Variants in EML2 observed in about 807,000 individuals in gnomAD.
EML2 encodes EMAP like 2.
In EML2, 59 loss-of-function variants were observed where a neutral mutation model predicts 84.7. The ratio of observed to expected loss-of-function variants is 0.70; its 90% CI spans 0.56 to 0.86. The LOEUF (loss-of-function observed/expected upper bound fraction) is 0.86. EML2 is among the 40% of genes least tolerant of loss of function. EML2 has a pLI of 0.00. For synonymous variants in EML2, 352 were observed against 348.9 expected, an observed-to-expected ratio of 1.01 and a Z score of -0.10; for missense variants, 818 against 855.6, an observed-to-expected ratio of 0.96 and a Z score of 0.55.
rs1973886652 is a variant in EML2 at position 45,637,638 on chromosome 19, G to A, written c.179+867C>T. Among the ~76,000 whole-genome samples, 3 of 146,740 alleles carry A rather than the reference G, an allele frequency of 2.0e-5. No homozygotes were observed. In the Admixed American group the frequency reaches 2.0e-4, roughly 10 times the overall value. On this transcript the variant is annotated intron_variant, in intron 3 of 18. Coordinates refer to ENST00000245925, the MANE Select transcript of EML2 (RefSeq NM_012155.4). The stretch of plus-strand genomic sequence containing the variant: ...GGAACCACAGGAGCATGCCACCATG[G>A]CTGGCTATTTTTTTTTTCTTTTTCT...
chr19:45,611,240 T>C (rs182593789), intron 18 of EML2, among the ~76,000 whole-genome samples: 125 of 151,892 alleles, frequency 8.2e-4, no homozygotes, highest in Non-Finnish European at 1.4e-3. Context: ...AGAAACCCTG[T>C]CTCTATTTGA....
chr19:45,635,695 G>A (rs1180268743), intron 3 of EML2, among the ~76,000 whole-genome samples: 1 of 149,440 alleles, frequency 6.7e-6, no homozygotes, highest in Non-Finnish European at 1.5e-5. Context: ...CGGGTTCAAG[G>A]GATTCTTCTG....
upstream of EML2, chr19:45,643,639 G>C: frequency 6.5e-7 from 1 of 1,536,118 alleles, no homozygotes; most frequent in Non-Finnish European, 8.7e-7. Context: ...GGAAGTAAAG[G>C]TGGTAGCTTA....
At position 45,615,783 on chromosome 19, in the gene EML2, T is replaced by C. The variant is rs779248562; in HGVS notation, c.1597+19A>G. On this transcript the variant is annotated intron_variant, in intron 16 of 18. Transcript: ENST00000245925. ...AATGAGACGGAGGAAGTAATGTCTCTGGGTCCCGGAGAACTCACAGTACAG... is the reference window on the plus strand; with the variant it reads ...AATGAGACGGAGGAAGTAATGTCTCCGGGTCCCGGAGAACTCACAGTACAG... 10 of 1,605,392 alleles carry C rather than the reference T, an allele frequency of 6.2e-6. No homozygotes were observed. The South Asian group carries it at 1.1e-4, about 18-fold the overall frequency.
chr19:45,615,556 T>A (rs931145441), intron 16 of EML2, among the ~76,000 whole-genome samples: 2 of 115,894 alleles, frequency 1.7e-5, no homozygotes, highest in East Asian at 3.0e-4. Flanking sequence ...TAATAATAAT[T>A]AAAAATTTAA....
At chr19:45,627,041 C>A (rs1972437433) in intron 7 of EML2, among the ~76,000 whole-genome samples, 1 of 150,794 alleles carries the variant, frequency 6.6e-6, no homozygotes, top group South Asian at 2.1e-4. Context: ...CTCACTGCAA[C>A]CTCCGCCTCC....
rs1389722504 is a variant in EML2 at position 45,614,775 on chromosome 19, C to A, written c.1598-75G>T. On this transcript the variant is annotated intron_variant, in intron 16 of 18. Coordinates refer to ENST00000245925, the MANE Select transcript of EML2 (RefSeq NM_012155.4). ...TAAACCCATCCCTTTCTTAGACAATCGGAGCTGAGGTCCAAGACAGAGGAG... is the reference window on the plus strand; with the variant it reads ...TAAACCCATCCCTTTCTTAGACAATAGGAGCTGAGGTCCAAGACAGAGGAG... 5.5e-6 allele frequency: 7 copies of A among 1,262,918 alleles called. No homozygotes were observed. The South Asian group carries it at 7.2e-5, about 13-fold the overall frequency. 78.2% of individuals were successfully genotyped at this position (1,262,918 alleles called of 1,614,324 possible). A position where few individuals can be genotyped will look rare whatever the true frequency, so the allele number is the denominator to read the frequency against.
In EML2 at chr19:45,619,149, G is replaced by A. The variant is rs547785842; in HGVS notation, c.1165C>T (p.Arg389Trp). 9.9e-6 allele frequency: 16 copies of A among 1,612,060 alleles called. No individual in the cohort carries two copies. The highest frequency in any genetic ancestry group is 2.0e-4 in the Middle Eastern group (1 of 5,042). ...TGCCCGCAGGTCACAAACTGGGCCC[G>A]ACTGGGGTGTGTGGCCAGGCCCCAC... ...ELWGLATHPS[R>W]AQFVTCGQDK... is the part of the protein sequence containing the mutation. The change falls in exon 12 of 19, where the codon CGG becomes TGG. Residue 389 changes from arginine (R) to tryptophan (W), a missense_variant. Transcript: ENST00000245925.
At chr19:45,629,849 G>T in intron 7 of EML2, 102 bp downstream of exon 7, 1 of 921,208 alleles carries the variant, frequency 1.1e-6, no homozygotes. Flanking sequence ...AGTAAAGCCA[G>T]GGCTTAAACA....
chr19:45,615,860 A>G lies in EML2; in HGVS notation c.1539T>C (p.Asp513=), dbSNP rs200526323. The change falls in exon 16 of 19, where the codon GAT becomes GAC. Residue 513 remains aspartate (D), a synonymous_variant. Transcript: ENST00000245925. ...SGHSSFITHL[D]WAQDSSCFVT... ...CAAAGCAGCTGCTGTCCTGGGCCCA[A>G]TCCAGGTGGGTGATAAAACTGGAAT... 5.0e-6 allele frequency: 8 copies of G among 1,613,848 alleles called. No homozygotes were observed. Among genetic ancestry groups the G allele is most frequent in the African/African-American group, 1.3e-5 (1 of 74,992 alleles).
rs757209617 is a variant in EML2 at position 45,613,620 on chromosome 19, G to C, written c.1745C>G (p.Ser582Cys). The part of the protein sequence containing the change: ...DGTDINAVAR[S>C]HDGKLLASAD... The stretch of plus-strand genomic sequence containing the variant: ...TGAAGCCAGCAACTTCCCATCATGA[G>C]AGCGGGCCACAGCGTTGATATCAGT... Residue 582 changes from serine (S) to cysteine (C), a missense_variant, in exon 18 of 19, where the codon TCT becomes TGT. Ser to Cys is a moderately radical substitution (Grantham distance 112). Transcript: ENST00000245925. The C allele has an allele frequency of 6.2e-7, 1 of 1,613,988 alleles. No individual in the cohort carries two copies. The highest frequency in any genetic ancestry group is 8.5e-7 in the Non-Finnish European group (1 of 1,180,020).
chr19:45,626,942 C>T, intron 7 of EML2, 103 bp from the exon 8 acceptor site: 2 of 1,033,600 alleles, frequency 1.9e-6, no homozygotes, highest in Non-Finnish European at 2.6e-6. Context: ...GTGTTGTATG[C>T]TGCACACCTG....
In EML2 at chr19:45,633,138, A is replaced by G. The variant is rs954127254; in HGVS notation, c.331T>C (p.Leu111=). 4 of 1,605,972 alleles carry G rather than the reference A, an allele frequency of 2.5e-6. No individual in the cohort carries two copies. In the African/African-American group the frequency reaches 5.3e-5, roughly 21 times the overall value. ...YLGHNDDIKC[L]AIHPDMVTIA... Reference sequence around the variant, plus strand: ...GTGACCATATCTGGGTGGATGGCCAAGCTGCGGAAAGAAGGGACAGAGAGA... The same window carrying G: ...GTGACCATATCTGGGTGGATGGCCAGGCTGCGGAAAGAAGGGACAGAGAGA... The change falls in exon 5 of 19, where the codon TTG becomes CTG. Residue 111 remains leucine (L), a splice_region_variant and synonymous_variant. Transcript: ENST00000245925.
chr19:45,639,418 G>A (rs1239764147), upstream of EML2: 8 of 1,250,268 alleles, frequency 6.4e-6, no homozygotes, highest in Non-Finnish European at 8.1e-6. Context: ...GTGGAGCCGG[G>A]ACCGGCTCTG....
At chr19:45,636,839 G>A (rs1239405262) in intron 3 of EML2, among the ~76,000 whole-genome samples, 1 of 152,238 alleles carries the variant, frequency 6.6e-6, no homozygotes, top group Non-Finnish European at 1.5e-5. Flanking sequence ...CCCAGCTACT[G>A]TAGTGGCCGA....
rs770664918 is a variant in EML2, at chr19:45,619,141, CTG to C, written c.1171_1172del (p.Gln391ValfsTer8). ...GCTTATCCTGCCCGCAGGTCACAAA[CTG>C]GGCCCGACTGGGGTGTGTGGCCAGG... ...WGLATHPSRAQFVTCGQDKLV... is the reference protein window; with the variant it reads ...WGLATHPSRAXFVTCGQDKLV... On this transcript the variant is annotated frameshift_variant, in exon 12 of 19. Coordinates refer to ENST00000245925, the MANE Select transcript of EML2 (RefSeq NM_012155.4). LOFTEE classifies it high-confidence loss of function. 1 of 1,612,256 alleles carries C rather than the reference CTG, an allele frequency of 6.2e-7. No homozygotes were observed. The highest frequency in any genetic ancestry group is 1.7e-5 in the Admixed American group (1 of 59,924).
At chr19:45,636,712 C>T (rs542269056) in intron 3 of EML2, among the ~76,000 whole-genome samples, 1 of 152,210 alleles carries the variant, frequency 6.6e-6, no homozygotes, top group Non-Finnish European at 1.5e-5. Context: ...TTTGGGAGGC[C>T]GAGGCAGGTG....
chr19:45,632,931 AG>A lies in EML2; in HGVS notation c.439del (p.Leu147SerfsTer93). The A allele has an allele frequency of 6.2e-7, 1 of 1,614,192 alleles. No individual in the cohort carries two copies. Among genetic ancestry groups the A allele is most frequent in the Non-Finnish European group, 8.5e-7 (1 of 1,180,028 alleles). On this transcript the variant is annotated frameshift_variant, in exon 6 of 19. Transcript: ENST00000245925. LOFTEE classifies it high-confidence loss of function. ...CAAGCCCAGCACGTGTAAGGTGGAG[AG>A]GGAAACTGAGTCCCAGATGCGCACG... Reference protein sequence around the residue: ...PHVRIWDSVSLSTLHVLGLGV... With the variant: ...PHVRIWDSVSXSTLHVLGLGV...
rs775776346 is a variant in EML2 at position 45,632,887 on chromosome 19, C to G, written c.484G>C (p.Val162Leu). The G allele has an allele frequency of 6.2e-7, 1 of 1,613,942 alleles. No homozygotes were observed. Among genetic ancestry groups the G allele is most frequent in the Non-Finnish European group, 8.5e-7 (1 of 1,179,946 alleles). Reference protein sequence around the residue: ...VLGLGVFDRAVCCVGFSKSNG... With the variant: ...VLGLGVFDRALCCVGFSKSNG... ...GATTTGGAGAAGCCCACACAGCACACGGCTCTGTCAAACACCCCCAAGCCC... is the reference window on the plus strand; with the variant it reads ...GATTTGGAGAAGCCCACACAGCACAGGGCTCTGTCAAACACCCCCAAGCCC... Residue 162 changes from valine to leucine, a missense_variant, in exon 6 of 19, where the codon GTG becomes CTG. Transcript: ENST00000245925.
Sources: allele counts gnomAD v4.1 joint callset (sites outside exome capture counted in the v4.1 genomes callset), GRCh38; gene constraint gnomAD v4.1.1; transcripts MANE v1.5; gene names NCBI Gene and HGNC (gene_info 2026-07-23, HGNC 2026-07-21).